MAGI2: variants seen among roughly 807,000 people sequenced by gnomAD.
The protein encoded by MAGI2 is membrane associated guanylate kinase, WW and PDZ domain containing 2, also known as membrane-associated guanylate kinase, WW and PDZ domain-containing protein 2.
In MAGI2, 35 loss-of-function variants were observed where a neutral mutation model predicts 133.3. That is an observed-to-expected ratio of 0.26 (90% CI 0.20 to 0.35). The LOEUF is 0.35. MAGI2 is among the 10% of genes least tolerant of loss of function. The pLI is 1.00. For missense variants in MAGI2, 1,636 were observed against 1,863.4 expected, an observed-to-expected ratio of 0.88 and a Z score of 2.25; for synonymous variants, 729 against 710.6, an observed-to-expected ratio of 1.03 and a Z score of -0.41.
At chr7:78,307,919 C>A (rs945588754) in intron 9 of MAGI2, among the ~76,000 whole-genome samples, 6 of 152,118 alleles carry the variant, frequency 3.9e-5, no homozygotes, top group African/African-American at 1.4e-4. Context: ...CCTGCCCAAG[C>A]AAGGTGCTAG....
chr7:78,654,724 TATATATATATATATATATATATATAG>T (rs1266193548), intron 2 of MAGI2, among the ~76,000 whole-genome samples: 2 of 119,722 alleles, frequency 1.7e-5, no homozygotes, highest in Non-Finnish European at 3.7e-5. Flanking sequence ...TATATATATA[TATATATATATATATATATATATATAG>T]CATATATTTT....
intron 1 of MAGI2, chr7:79,414,840 C>T (rs1231392311): frequency 6.6e-6 from 1 of 152,028 alleles, no homozygotes; most frequent in Non-Finnish European, 1.5e-5. Flanking sequence ...ATGAGATAGC[C>T]CATCCTGCTT....
intron 9 of MAGI2, among the ~76,000 whole-genome samples, chr7:78,278,091 A>G (rs12534364): frequency 0.15 from 22,717 of 152,206 alleles, 2,275 homozygotes; most frequent in Middle Eastern, 0.26. Flanking sequence ...GAGCAATAGC[A>G]TCTTGATTTA....
chr7:78,168,059 C>T lies in MAGI2; in HGVS notation c.2453G>A (p.Arg818His), dbSNP rs753587569. The T allele has an allele frequency of 1.7e-5, 27 of 1,613,958 alleles. No homozygotes were observed. Among genetic ancestry groups the T allele is most frequent in the African/African-American group, 4.0e-5 (3 of 74,898 alleles). Residue 818 changes from arginine to histidine, a missense_variant, in exon 15 of 22, where the codon CGC (arginine) becomes CAC (histidine). Around this residue, in one of 5 missense-constraint regions of MAGI2, gnomAD observed 920 missense variants for 1,093.5 expected, o/e 0.84. Transcript: ENST00000354212. ...IAMGSADRDGRLHPGDELVYV... is the reference protein window; with the variant it reads ...IAMGSADRDGHLHPGDELVYV... ...CACAAGCTCATCTCCTGGGTGAAGG[C>T]GGCCATCTCTGTCGGCTGAGCCCAT...
intron 2 of MAGI2, among the ~76,000 whole-genome samples, chr7:78,831,035 A>T (rs1449507504): frequency 6.6e-6 from 1 of 151,716 alleles, no homozygotes; most frequent in Non-Finnish European, 1.5e-5. Flanking sequence ...GTACAATATA[A>T]CATTTGGTTG....
At chr7:78,207,163 T>C (rs2094971642) in intron 10 of MAGI2, among the ~76,000 whole-genome samples, 1 of 152,184 alleles carries the variant, frequency 6.6e-6, no homozygotes, top group African/African-American at 2.4e-5. Context: ...TCACAGTCCC[T>C]GTGATGCCCT....
intron 1 of MAGI2, among the ~76,000 whole-genome samples, chr7:79,360,406 T>A (rs955935241): frequency 4.7e-5 from 7 of 148,038 alleles, no homozygotes; most frequent in African/African-American, 1.8e-4. Context: ...AAGGAAATAA[T>A]AAATGAAAGA....
intron 1 of MAGI2, among the ~76,000 whole-genome samples, chr7:79,379,854 G>A (rs1214576856): frequency 1.4e-5 from 2 of 147,430 alleles, no homozygotes; most frequent in Non-Finnish European, 3.0e-5. Flanking sequence ...CCCACTTGTT[G>A]ATGGGGTTGT....
intron 2 of MAGI2, among the ~76,000 whole-genome samples, chr7:78,981,547 C>T (rs1804785764): frequency 2.0e-5 from 3 of 151,856 alleles, no homozygotes; most frequent in African/African-American, 4.8e-5. Flanking sequence ...TAAGCATAAT[C>T]ATTTTATATC....
intron 1 of MAGI2, among the ~76,000 whole-genome samples, chr7:79,098,655 T>TTTGTATATTGTAAATC (rs1484249408): frequency 2.0e-5 from 3 of 152,310 alleles, no homozygotes; most frequent in South Asian, 2.1e-4. Flanking sequence ...TGCAATTAAT[T>TTTGTATATTGTAAATC]TTTGTATATT....
rs529930006 is a variant in MAGI2, at chr7:78,863,860, C to G, written c.418+143230G>C. On this transcript the variant is annotated intron_variant, in intron 2 of 21. Transcript: ENST00000354212. ...AAAGCAAAATGTGCCCTTTATACTCCCTTTAAATTTGTCCCATTTCTAAGA... is the reference window on the plus strand; with the variant it reads ...AAAGCAAAATGTGCCCTTTATACTCGCTTTAAATTTGTCCCATTTCTAAGA... Among the ~76,000 whole-genome samples, 65 of 152,264 alleles carry G rather than the reference C, an allele frequency of 4.3e-4. 3 individuals carry two copies. The Middle Eastern group carries it at 0.01, about 24-fold the overall frequency.
chr7:78,321,584 T>G lies in MAGI2; in HGVS notation c.1408+22194A>C, dbSNP rs184097395. 6.0e-4 allele frequency among the ~76,000 whole-genome samples: 91 copies of G among 152,290 alleles called. 1 individual carries two copies. In the East Asian group the frequency reaches 9.1e-3, roughly 15 times the overall value. On this transcript the variant is annotated intron_variant, in intron 9 of 21. Transcript: ENST00000354212. ...CTAGCCATATGCAGGAAACTGAAAC[T>G]GGGCCCCTTCCTTACACCTTATATA...
chr7:78,066,838 C>T (rs190894199), intron 21 of MAGI2, among the ~76,000 whole-genome samples: 1 of 152,312 alleles, frequency 6.6e-6, no homozygotes, highest in East Asian at 1.9e-4. Flanking sequence ...AGAACTTAAT[C>T]CATGCAGCTT....
intron 1 of MAGI2, among the ~76,000 whole-genome samples, chr7:79,171,770 A>ATATATATATTTT: frequency 1.6e-4 from 5 of 31,220 alleles, no homozygotes; most frequent in Admixed American, 4.0e-4. Flanking sequence ...ATATATATAT[A>ATATATATATTTT]TTTTTTTTTT....
At chr7:79,113,731 C>T (rs116826170) in intron 1 of MAGI2, among the ~76,000 whole-genome samples, 1,734 of 152,122 alleles carry the variant, frequency 0.011, 35 homozygotes, top group African/African-American at 0.039. Flanking sequence ...GAAATTTGTG[C>T]ACATTGTGCC....
At chr7:79,434,923 C>T (rs758914097) in intron 1 of MAGI2, among the ~76,000 whole-genome samples, 8 of 152,134 alleles carry the variant, frequency 5.3e-5, no homozygotes, top group Non-Finnish European at 8.8e-5. Context: ...AAATGATGAC[C>T]TACTTCAAAA....
At chr7:78,635,667 A>G (rs928162330) in intron 2 of MAGI2, among the ~76,000 whole-genome samples, 1 of 152,194 alleles carries the variant, frequency 6.6e-6, no homozygotes, top group Non-Finnish European at 1.5e-5. Context: ...AGCTGGAAAA[A>G]ATAGATCTTG....
intron 2 of MAGI2, among the ~76,000 whole-genome samples, chr7:78,870,647 G>A (rs547259745): frequency 5.9e-5 from 9 of 152,184 alleles, no homozygotes; most frequent in East Asian, 1.9e-4. Context: ...TGGAGATTCC[G>A]TAAAGAGGTA....
At chr7:78,388,425 A>T (rs1182044913) in intron 6 of MAGI2, among the ~76,000 whole-genome samples, 1 of 152,186 alleles carries the variant, frequency 6.6e-6, no homozygotes, top group Non-Finnish European at 1.5e-5. Context: ...TCACTAGTGT[A>T]TGTGTCCCAT....
Sources: gnomAD v4.1 joint callset for allele counts (sites outside exome capture counted in the v4.1 genomes callset) on GRCh38, gnomAD v4.1.1 for gene constraint, gnomAD v4.1.1 regional missense constraint, MANE v1.5 for transcripts, NCBI Gene and HGNC (gene_info 2026-07-23, HGNC 2026-07-21) for gene names.